The following IQGAP2 variants were observed in gnomAD, a reference collection of about 807,000 sequenced individuals.
The protein encoded by IQGAP2 is ras GTPase-activating-like protein IQGAP2.
In IQGAP2, 173 loss-of-function variants were observed where a neutral mutation model predicts 201.3. The ratio of observed to expected loss-of-function variants is 0.86; its 90% CI spans 0.76 to 0.98. The LOEUF (loss-of-function observed/expected upper bound fraction) is 0.98, where lower values mean the gene tolerates loss of function less well. IQGAP2 is among the 50% of genes least tolerant of loss of function. The pLI is 0.00. For synonymous variants in IQGAP2, 675 were observed against 673.9 expected, an observed-to-expected ratio of 1.00 and a Z score of -0.03; for missense variants, 1,687 against 1,864.8, an observed-to-expected ratio of 0.90 and a Z score of 1.76.
chr5:76,539,181 C>G (rs1287339199), intron 2 of IQGAP2, among the ~76,000 whole-genome samples: 1 of 152,236 alleles, frequency 6.6e-6, no homozygotes, highest in African/African-American at 2.4e-5. Context: ...CTCAACACTC[C>G]TTCAAAAGGA....
intron 2 of IQGAP2, among the ~76,000 whole-genome samples, chr5:76,478,160 G>A (rs1450275601): frequency 6.6e-6 from 1 of 152,184 alleles, no homozygotes; most frequent in Non-Finnish European, 1.5e-5. Flanking sequence ...AGCACTTTGG[G>A]AGGCCAAGGC....
chr5:76,431,452 G>A (rs1752360445), intron 1 of IQGAP2, among the ~76,000 whole-genome samples: 1 of 152,116 alleles, frequency 6.6e-6, no homozygotes, highest in Non-Finnish European at 1.5e-5. Context: ...TACAGTAGGT[G>A]TGGCATGGGC....
chr5:76,492,029 G>C (rs527745525), intron 2 of IQGAP2, among the ~76,000 whole-genome samples: 2 of 152,238 alleles, frequency 1.3e-5, no homozygotes, highest in South Asian at 4.2e-4. Flanking sequence ...TCATAGAAAG[G>C]CTGCAGTGAG....
chr5:76,573,774 G>T (rs905603295), intron 4 of IQGAP2, among the ~76,000 whole-genome samples: 52 of 149,886 alleles, frequency 3.5e-4, no homozygotes, highest in African/African-American at 1.2e-3. Context: ...ACCATGCCCA[G>T]CTATTTTTTT....
At chr5:76,672,683 C>T (rs763742983) in intron 24 of IQGAP2, among the ~76,000 whole-genome samples, 1 of 152,150 alleles carries the variant, frequency 6.6e-6, no homozygotes, top group African/African-American at 2.4e-5. Flanking sequence ...AAAGAATGCT[C>T]ATTACATACG....
intron 3 of IQGAP2, among the ~76,000 whole-genome samples, chr5:76,569,642 A>C (rs964065781): frequency 1.3e-5 from 2 of 152,250 alleles, no homozygotes; most frequent in African/African-American, 4.8e-5. Flanking sequence ...AGATTGTAGA[A>C]GGTAACAGAA....
rs1752170333 is a variant in IQGAP2 at position 76,647,738 on chromosome 5, T to C, written c.2095-5012T>C. ...AATACAGGCTCTAGTGAAAGCCTGCTCTCTGTAGCCAAAGGACCAAGAAAG... is the reference window on the plus strand; with the variant it reads ...AATACAGGCTCTAGTGAAAGCCTGCCCTCTGTAGCCAAAGGACCAAGAAAG... On this transcript the variant is annotated intron_variant, in intron 17 of 35. Coordinates refer to ENST00000274364, the MANE Select transcript of IQGAP2 (RefSeq NM_006633.5). Among the ~76,000 whole-genome samples, 2 of 151,920 alleles carry C rather than the reference T, an allele frequency of 1.3e-5. 1 individual carries two copies. The highest frequency in any genetic ancestry group is 4.1e-4 in the South Asian group (2 of 4,824).
At chr5:76,478,538 C>T (rs936108944) in intron 2 of IQGAP2, among the ~76,000 whole-genome samples, 5 of 152,206 alleles carry the variant, frequency 3.3e-5, no homozygotes, top group Non-Finnish European at 5.9e-5. Context: ...ATCCGCCCAC[C>T]TTGGCCTCCC....
intron 2 of IQGAP2, among the ~76,000 whole-genome samples, chr5:76,523,275 G>T (rs530459149): frequency 6.6e-6 from 1 of 151,936 alleles, no homozygotes; most frequent in East Asian, 1.9e-4. Context: ...AATTTTGTAA[G>T]GGGGAGAGTC....
rs75918448 is a variant in IQGAP2 at position 76,405,609 on chromosome 5, A to G, written c.46+2018A>G. On this transcript the variant is annotated intron_variant, in intron 1 of 35. Transcript: ENST00000274364. ...GGTGTATTTTCAGTGTATTCAGAAC[A>G]TGATATCTAGCAGAATAGATTTTGG... 4.5e-3 allele frequency among the ~76,000 whole-genome samples: 681 copies of G among 152,342 alleles called. 5 individuals are homozygous for G. Among genetic ancestry groups the G allele is most frequent in the African/African-American group, 0.015 (630 of 41,582 alleles).
chr5:76,613,856 G>A (rs949754531), intron 13 of IQGAP2, among the ~76,000 whole-genome samples: 3 of 152,056 alleles, frequency 2.0e-5, no homozygotes, highest in East Asian at 1.9e-4. Context: ...CATCAAGCCC[G>A]GCTAATTTTT....
chr5:76,488,118 A>T (rs1382862998), intron 2 of IQGAP2, among the ~76,000 whole-genome samples: 2 of 152,190 alleles, frequency 1.3e-5, no homozygotes, highest in East Asian at 1.9e-4. Context: ...TGAGCACTGG[A>T]TGTAATAATG....
At chr5:76,413,472 G>A (rs879679398) in intron 1 of IQGAP2, among the ~76,000 whole-genome samples, 2 of 152,150 alleles carry the variant, frequency 1.3e-5, no homozygotes, top group African/African-American at 2.4e-5. Flanking sequence ...CCCAACTCTA[G>A]CCCTATTTTC....
chr5:76,687,570 G>A (rs910867905), intron 30 of IQGAP2, among the ~76,000 whole-genome samples: 4 of 152,182 alleles, frequency 2.6e-5, no homozygotes, highest in Non-Finnish European at 5.9e-5. Context: ...CAGCAGGAGG[G>A]GAGCAAGTGA....
At chr5:76,648,867 A>G (rs1190693147) in intron 17 of IQGAP2, among the ~76,000 whole-genome samples, 1 of 152,226 alleles carries the variant, frequency 6.6e-6, no homozygotes, top group Non-Finnish European at 1.5e-5. Flanking sequence ...ACAACAAAGA[A>G]AAAGCAGACT....
intron 20 of IQGAP2, among the ~76,000 whole-genome samples, chr5:76,656,369 G>A (rs1191171299): frequency 6.6e-6 from 1 of 152,100 alleles, no homozygotes; most frequent in African/African-American, 2.4e-5. Context: ...TTTTAGTAGA[G>A]ATGGGGTTTC....
At chr5:76,447,007 A>G (rs1364142398) in intron 1 of IQGAP2, among the ~76,000 whole-genome samples, 1 of 152,198 alleles carries the variant, frequency 6.6e-6, no homozygotes, top group Non-Finnish European at 1.5e-5. Context: ...GGTCATGCCT[A>G]TTTTGCGACC....
intron 1 of IQGAP2, among the ~76,000 whole-genome samples, chr5:76,445,428 A>G (rs1270944186): frequency 1.3e-5 from 2 of 152,066 alleles, no homozygotes; most frequent in Non-Finnish European, 2.9e-5. Context: ...TGCTATACAA[A>G]CATTTTTAAA....
At chr5:76,448,867 A>G (rs902049774) in intron 1 of IQGAP2, among the ~76,000 whole-genome samples, 2 of 152,198 alleles carry the variant, frequency 1.3e-5, no homozygotes, top group Admixed American at 6.5e-5. Context: ...TGAACTGTAC[A>G]TGATTCTCTT....
Sources: gnomAD v4.1 joint callset for allele counts (sites outside exome capture counted in the v4.1 genomes callset) on GRCh38, gnomAD v4.1.1 for gene constraint, MANE v1.5 for transcripts, NCBI Gene and HGNC (gene_info 2026-07-23, HGNC 2026-07-21) for gene names.